Variants in DENND2B observed in about 807,000 individuals in gnomAD.
DENND2B encodes the protein DENN domain-containing protein 2B.
DENND2B carries 32 observed loss-of-function variants against 116.0 expected under a neutral mutation model. The observed-to-expected ratio is 0.28, with a 90% CI of 0.21 to 0.37. The LOEUF (loss-of-function observed/expected upper bound fraction) is 0.37. Ranked by LOEUF, DENND2B falls within the 10% of genes least tolerant of loss-of-function variation. The probability of loss-of-function intolerance (pLI) is 1.00; values close to 1 mark genes in which losing one functional copy is unlikely to be tolerated. For synonymous variants in DENND2B, 588 were observed against 583.9 expected, an observed-to-expected ratio of 1.01 and a Z score of -0.10; for missense variants, 1,276 against 1,477.7, an observed-to-expected ratio of 0.86 and a Z score of 2.24.
chr11:8,801,126 C>T lies in DENND2B; in HGVS notation c.-26+9391G>A, dbSNP rs79952277. Among the ~76,000 whole-genome samples, 377 of 151,840 alleles carry T rather than the reference C, an allele frequency of 2.5e-3. 6 individuals are homozygous for T. The East Asian group carries it at 0.038, about 15-fold the overall frequency. The stretch of plus-strand genomic sequence containing the variant: ...TCTTTGACACTGGGTCTGCCATGTC[C>T]CTATCCCTGTTGTTCATACAACACA... On this transcript the variant is annotated intron_variant, in intron 1 of 19. Transcript: ENST00000313726.
At chr11:8,733,350 C>T (rs1055356082) in intron 2 of DENND2B, among the ~76,000 whole-genome samples, 7 of 152,202 alleles carry the variant, frequency 4.6e-5, no homozygotes, top group African/African-American at 9.7e-5. Context: ...ACACAAAGGA[C>T]TCTGTTTTAG....
chr11:8,712,595 A>C lies in DENND2B; in HGVS notation c.2128T>G (p.Ser710Ala). Reference sequence around the variant, plus strand: ...ACTTCGGGGAGGTAGGTGTTTCGCGATGGCTTCTTCTTGAGGGACACCACC... The same window carrying C: ...ACTTCGGGGAGGTAGGTGTTTCGCGCTGGCTTCTTCTTGAGGGACACCACC... ...FVVVSLKKKPSRNTYLPEVSY... is the reference protein window; with the variant it reads ...FVVVSLKKKPARNTYLPEVSY... Residue 710 changes from serine (S) to alanine (A), a missense_variant, in exon 9 of 20, where the codon TCG (serine) becomes GCG (alanine). Coordinates refer to ENST00000313726, the MANE Select transcript of DENND2B (RefSeq NM_213618.2). This position sits in a 1 kb window ranked among gnomAD's most constrained non-coding sequence, Gnocchi z 4.4. 1 of 1,558,712 alleles carries C rather than the reference A, an allele frequency of 6.4e-7. No individual in the cohort carries two copies. Among genetic ancestry groups the C allele is most frequent in the East Asian group, 2.4e-5 (1 of 41,700 alleles).
intron 1 of DENND2B, among the ~76,000 whole-genome samples, chr11:8,794,140 A>T (rs552042443): frequency 6.6e-6 from 1 of 152,304 alleles, no homozygotes; most frequent in East Asian, 1.9e-4. Flanking sequence ...TTGTTATTTT[A>T]AAAAATGTCT....
At chr11:8,807,814 G>C (rs2061008595) in intron 1 of DENND2B, 1 of 152,176 alleles carries the variant, frequency 6.6e-6, no homozygotes, top group Admixed American at 6.5e-5. Flanking sequence ...AACTAGAAGG[G>C]GAGCTGCTTG....
chr11:8,768,608 T>C (rs1048336605), intron 1 of DENND2B, among the ~76,000 whole-genome samples: 1 of 152,144 alleles, frequency 6.6e-6, no homozygotes, highest in African/African-American at 2.4e-5. Flanking sequence ...AGGAATCAAA[T>C]CTACCATCAG....
In DENND2B at chr11:8,730,633, G is replaced by A. The variant is rs988463755; in HGVS notation, c.657C>T (p.Thr219=). Residue 219 remains threonine (T), a synonymous_variant, in exon 3 of 20, where the codon ACC becomes ACT. Coordinates refer to ENST00000313726, the MANE Select transcript of DENND2B (RefSeq NM_213618.2). This position sits in a 1 kb window ranked among gnomAD's most constrained non-coding sequence, Gnocchi z 4.1. ...VVPSPCSSEK[T]FDFKGLRRMS... ...TCCTCCGGAGGCCCTTGAAATCAAA[G>A]GTCTTTTCAGAGCTGCAGGGGGACG... is the stretch of plus-strand genomic sequence containing the variant. The A allele has an allele frequency of 6.2e-7, 1 of 1,612,932 alleles. No homozygotes were observed. The highest frequency in any genetic ancestry group is 2.2e-5 in the East Asian group (1 of 44,854).
intron 1 of DENND2B, among the ~76,000 whole-genome samples, chr11:8,885,959 G>A (rs543689590): frequency 6.7e-6 from 1 of 149,290 alleles, no homozygotes; most frequent in Non-Finnish European, 1.5e-5. Context: ...TTCGGGGGGA[G>A]AACAGAGTTT....
chr11:8,761,629 A>G (rs1447436141), intron 1 of DENND2B, among the ~76,000 whole-genome samples: 5 of 152,124 alleles, frequency 3.3e-5, no homozygotes, highest in African/African-American at 4.8e-5. Context: ...TTAAATATCC[A>G]GTTCAAGTGT....
intron 11 of DENND2B, among the ~76,000 whole-genome samples, chr11:8,709,014 G>A (rs937378993): frequency 2.6e-5 from 4 of 151,766 alleles, no homozygotes; most frequent in African/African-American, 7.3e-5. Context: ...TCCCAGGCCC[G>A]GAGCCCCCAT....
intron 1 of DENND2B, among the ~76,000 whole-genome samples, chr11:8,885,044 T>C (rs910618538): frequency 2.0e-5 from 3 of 152,238 alleles, no homozygotes; most frequent in Non-Finnish European, 4.4e-5. Flanking sequence ...ACCAATCCCA[T>C]TGGTACCTGT....
chr11:8,699,481 C>T, intron 14 of DENND2B, 91 bp from the exon 15 acceptor site: 1 of 1,325,952 alleles, frequency 7.5e-7, no homozygotes, highest in South Asian at 1.4e-5. Flanking sequence ...GATCGTAAAC[C>T]TCCCAGTGCA....
intron 4 of DENND2B, among the ~76,000 whole-genome samples, chr11:8,816,801 AG>A (rs34937162): frequency 0.68 from 103,260 of 152,018 alleles, 37,019 homozygotes; most frequent in Admixed American, 0.8. Flanking sequence ...TGTCTCCCTT[AG>A]GGGCCTTTGC....
At chr11:8,901,989 C>T (rs2064176344) in intron 1 of DENND2B, among the ~76,000 whole-genome samples, 2 of 152,050 alleles carry the variant, frequency 1.3e-5, no homozygotes, top group East Asian at 1.9e-4. Flanking sequence ...ATCGTTTAGC[C>T]TTCTATATCT....
intron 3 of DENND2B, among the ~76,000 whole-genome samples, chr11:8,729,478 T>G (rs969815239): frequency 2.6e-5 from 4 of 152,194 alleles, no homozygotes; most frequent in Non-Finnish European, 5.9e-5. Context: ...GAAGGAATTG[T>G]GTTAAATTTG....
At chr11:8,803,088 G>C (rs2060495887) in intron 1 of DENND2B, among the ~76,000 whole-genome samples, 1 of 152,062 alleles carries the variant, frequency 6.6e-6, no homozygotes, top group African/African-American at 2.4e-5. Context: ...ATACACATTT[G>C]AAAAGTCAAG....
rs2056215228 is a variant in DENND2B, at chr11:8,768,128, AC to A, written c.-25-17404del. Among the ~76,000 whole-genome samples the A allele has an allele frequency of 2.0e-5, 3 of 152,098 alleles. No homozygotes were observed. In the South Asian group the frequency reaches 6.3e-4, roughly 32 times the overall value. On this transcript the variant is annotated intron_variant, in intron 1 of 19. Coordinates refer to ENST00000313726, the MANE Select transcript of DENND2B (RefSeq NM_213618.2). Reference sequence around the variant, plus strand: ...AACCAGGCTGGGCACTTATCCAAGTACCCCTCCCCACCCTGAGACAGAGTGG... The same window carrying A: ...AACCAGGCTGGGCACTTATCCAAGTACCCTCCCCACCCTGAGACAGAGTGG...
At chr11:8,765,343 C>T (rs1469268607) in intron 1 of DENND2B, among the ~76,000 whole-genome samples, 1 of 152,170 alleles carries the variant, frequency 6.6e-6, no homozygotes, top group African/African-American at 2.4e-5. Context: ...TGCTGAGGTG[C>T]CCCAAAGCCC....
chr11:8,751,222 TG>T (rs2052399244), intron 1 of DENND2B, among the ~76,000 whole-genome samples: 1 of 151,880 alleles, frequency 6.6e-6, no homozygotes, highest in African/African-American at 2.4e-5. Context: ...GCTAATCTAG[TG>T]GGGAGGTGGA....
intron 4 of DENND2B, among the ~76,000 whole-genome samples, chr11:8,833,075 G>A (rs946011123): frequency 2.1e-4 from 32 of 152,246 alleles, no homozygotes; most frequent in African/African-American, 5.8e-4. Context: ...AGGGCAAACC[G>A]GAGGGGAAGC....
Sources: gnomAD v4.1 joint callset for allele counts (sites outside exome capture counted in the v4.1 genomes callset) on GRCh38, gnomAD v4.1.1 for gene constraint, Gnocchi (gnomAD v3.1) non-coding constraint, MANE v1.5 for transcripts, NCBI Gene and HGNC (gene_info 2026-07-23, HGNC 2026-07-21) for gene names.